PPP2R5C: variants seen among roughly 807,000 people sequenced by gnomAD.
The protein encoded by PPP2R5C is serine/threonine-protein phosphatase 2A 56 kDa regulatory subunit gamma isoform.
In PPP2R5C, 7 loss-of-function variants were observed where a neutral mutation model predicts 68.9. The ratio of observed to expected loss-of-function variants is 0.10; its 90% CI spans 0.06 to 0.19. The LOEUF (loss-of-function observed/expected upper bound fraction) is 0.19. PPP2R5C is among the 10% of genes least tolerant of loss of function. The pLI is 1.00. For missense variants in PPP2R5C, 348 were observed against 641.3 expected (o/e 0.54, Z 4.94); for synonymous variants, 210 against 222.2 (o/e 0.95, Z 0.49).
intron 9 of PPP2R5C, among the ~76,000 whole-genome samples, chr14:101,905,933 A>G (rs1287974845): frequency 6.6e-6 from 1 of 152,142 alleles, no homozygotes; most frequent in Admixed American, 6.5e-5. Context: ...TATGTGACTT[A>G]TCGTTTCTAG....
intron 2 of PPP2R5C, among the ~76,000 whole-genome samples, chr14:101,779,939 C>T (rs1393943311): frequency 6.6e-6 from 1 of 152,170 alleles, no homozygotes; most frequent in African/African-American, 2.4e-5. Context: ...ACTATTTTCA[C>T]ATACATAGTA....
chr14:101,895,362 G>A (rs749528008), intron 8 of PPP2R5C, among the ~76,000 whole-genome samples: 2 of 152,110 alleles, frequency 1.3e-5, no homozygotes, highest in East Asian at 1.9e-4. Context: ...CGCGTTAAAT[G>A]TACAGTTCAC....
chr14:101,796,105 G>A (rs930973761), intron 3 of PPP2R5C, among the ~76,000 whole-genome samples: 1 of 152,178 alleles, frequency 6.6e-6, no homozygotes, highest in Non-Finnish European at 1.5e-5. Flanking sequence ...TTACAGCCAT[G>A]AGAGCCACTG....
At chr14:101,871,401 A>G (rs899744521) in intron 2 of PPP2R5C, among the ~76,000 whole-genome samples, 4 of 151,418 alleles carry the variant, frequency 2.6e-5, no homozygotes, top group African/African-American at 9.7e-5. Flanking sequence ...CCACCACCAC[A>G]CCCGGCTAAT....
intron 12 of PPP2R5C, among the ~76,000 whole-genome samples, chr14:101,914,992 G>A (rs2046585400): frequency 6.6e-6 from 1 of 152,200 alleles, no homozygotes; most frequent in Admixed American, 6.5e-5. Flanking sequence ...TGGGACGGAT[G>A]CCTGCCTTTC....
intron 2 of PPP2R5C, among the ~76,000 whole-genome samples, chr14:101,881,731 G>A (rs1212528901): frequency 1.3e-5 from 2 of 152,218 alleles, no homozygotes; most frequent in South Asian, 2.1e-4. Flanking sequence ...CCTGCGTGAC[G>A]CAGCCCTTGC....
intron 3 of PPP2R5C, among the ~76,000 whole-genome samples, chr14:101,791,273 T>C (rs954830003): frequency 3.3e-5 from 5 of 152,208 alleles, no homozygotes; most frequent in Admixed American, 6.5e-5. Flanking sequence ...GTGGTTTCCA[T>C]TGGCCTTTCC....
chr14:101,924,445 C>CTTTTTTTTTTTTTTTTTTTTTT lies in PPP2R5C; in HGVS notation c.1444-684_1444-683insTTTTTTTTTTTTTTTTTTTTTT, dbSNP rs11325673. On this transcript the variant is annotated intron_variant, in intron 13 of 13. Coordinates refer to ENST00000334743, the Ensembl canonical transcript of PPP2R5C. ...TTTACCTCCAAGGAAATTTCTACAT[C>CTTTTTTTTTTTTTTTTTTTTTT]TTTTTTTTTTTTGAGATGGAGTCTG... 1.5e-3 allele frequency among the ~76,000 whole-genome samples: 125 copies of CTTTTTTTTTTTTTTTTTTTTTT among 84,452 alleles called. 24 individuals are homozygous for CTTTTTTTTTTTTTTTTTTTTTT. The highest frequency in any genetic ancestry group is 2.7e-3 in the South Asian group (6 of 2,236). The allele number at this position is 84,452 out of a possible 152,430, so 55.4% of individuals were successfully genotyped here.
chr14:101,861,576 T>C (rs1046415748), intron 2 of PPP2R5C, among the ~76,000 whole-genome samples: 5 of 152,176 alleles, frequency 3.3e-5, no homozygotes, highest in Non-Finnish European at 5.9e-5. Flanking sequence ...GTGGTCTAAA[T>C]GAAGCAATAG....
At chr14:101,784,516 G>C (rs982422484) in intron 2 of PPP2R5C, among the ~76,000 whole-genome samples, 5 of 149,652 alleles carry the variant, frequency 3.3e-5, no homozygotes, top group East Asian at 4.2e-4. Flanking sequence ...AAAGTGGGGG[G>C]GGGGAACTGC....
upstream of PPP2R5C, among the ~76,000 whole-genome samples, chr14:101,805,561 C>A (rs951586173): frequency 6.6e-6 from 1 of 152,016 alleles, no homozygotes; most frequent in African/African-American, 2.4e-5. Flanking sequence ...GGATATACAC[C>A]CAAAAGAATT....
chr14:101,874,323 A>G (rs1278577611), intron 2 of PPP2R5C, among the ~76,000 whole-genome samples: 4 of 152,264 alleles, frequency 2.6e-5, no homozygotes, highest in Admixed American at 2.6e-4. Flanking sequence ...TACATGATAA[A>G]GCAAATATAT....
chr14:101,865,150 G>A (rs1258469914), intron 2 of PPP2R5C, among the ~76,000 whole-genome samples: 2 of 152,150 alleles, frequency 1.3e-5, no homozygotes, highest in Non-Finnish European at 2.9e-5. Flanking sequence ...AAGGCCTGAG[G>A]TGGGTCTCAT....
chr14:101,852,749 G>A (rs2140527370), intron 1 of PPP2R5C, among the ~76,000 whole-genome samples: 1 of 152,202 alleles, frequency 6.6e-6, no homozygotes, highest in South Asian at 2.1e-4. Flanking sequence ...TGGGATTACA[G>A]ACGTGAGCCA....
At chr14:101,816,808 G>A (rs1350173991) in intron 1 of PPP2R5C, among the ~76,000 whole-genome samples, 1 of 147,974 alleles carries the variant, frequency 6.8e-6, no homozygotes, top group African/African-American at 2.5e-5. Flanking sequence ...ATTATTCATT[G>A]AAATTCTATG....
intron 8 of PPP2R5C, among the ~76,000 whole-genome samples, chr14:101,895,602 C>T (rs1038064498): frequency 3.3e-5 from 5 of 152,182 alleles, no homozygotes; most frequent in Admixed American, 2.6e-4. Flanking sequence ...TTTCACTCAG[C>T]GTAATGTCTT....
rs373076105 is a variant in PPP2R5C, at chr14:101,882,573, A to G, written c.405+302A>G. 2.3e-4 allele frequency: 56 copies of G among 247,706 alleles called. 3 individuals are homozygous for G. The highest frequency in any genetic ancestry group is 9.1e-4 in the Admixed American group (17 of 18,716). 15.3% of individuals were successfully genotyped at this position (247,706 alleles called of 1,614,324 possible). ...AGAGGTCCTAAGCCAACAATCTCCC[A>G]GTTTTTGCTCCTCATATTTAATAGG... On this transcript the variant is annotated intron_variant, in intron 3 of 13. Coordinates refer to ENST00000334743, the Ensembl canonical transcript of PPP2R5C. This position sits in a 1 kb window ranked among gnomAD's most constrained non-coding sequence, Gnocchi z 4.9.
At chr14:101,890,165 C>G in intron 5 of PPP2R5C, 72 bp from the exon 8 acceptor site, 1 of 1,363,818 alleles carries the variant, frequency 7.3e-7, no homozygotes, top group Non-Finnish European at 1.0e-6. Flanking sequence ...CTCCATGGCT[C>G]CTCCTAGAGC....
At chr14:101,838,546 C>G (rs56794631) in intron 1 of PPP2R5C, among the ~76,000 whole-genome samples, 1 of 152,254 alleles carries the variant, frequency 6.6e-6, no homozygotes, top group Non-Finnish European at 1.5e-5. Flanking sequence ...AGCAGGCGGT[C>G]TTCCCAGCCC....
Sources: gnomAD v4.1 joint callset for allele counts (sites outside exome capture counted in the v4.1 genomes callset) on GRCh38, gnomAD v4.1.1 for gene constraint, Gnocchi (gnomAD v3.1) non-coding constraint, MANE v1.5 for transcripts, NCBI Gene and HGNC (gene_info 2026-07-23, HGNC 2026-07-21) for gene names.